Variants in TMEM132D observed in about 807,000 individuals in gnomAD.
TMEM132D encodes the protein mature OL transmembrane protein.
In TMEM132D, 21 loss-of-function variants were observed where a neutral mutation model predicts 62.3. The observed-to-expected ratio is 0.34, with a 90% CI of 0.24 to 0.49. TMEM132D has a LOEUF of 0.49. Ranked by LOEUF, TMEM132D falls within the 20% of genes least tolerant of loss-of-function variation. TMEM132D has a pLI of 0.99. For missense variants in TMEM132D, 1,346 were observed against 1,402.8 expected (o/e 0.96, Z 0.65); for synonymous variants, 621 against 575.6 (o/e 1.08, Z -1.13).
intron 2 of TMEM132D, among the ~76,000 whole-genome samples, chr12:129,658,725 C>A (rs569112120): frequency 2.0e-5 from 3 of 152,260 alleles, no homozygotes; most frequent in African/African-American, 7.2e-5. Context: ...TTACTTGGTG[C>A]CTGCATTTAC....
chr12:129,099,805 TA>T (rs1280433761), intron 5 of TMEM132D, among the ~76,000 whole-genome samples: 8 of 126,916 alleles, frequency 6.3e-5, no homozygotes, highest in Non-Finnish European at 1.1e-4. Context: ...AAACCCACTT[TA>T]TTTTTTTTTA....
chr12:129,841,877 A>C (rs137939328), intron 1 of TMEM132D, among the ~76,000 whole-genome samples: 2 of 151,222 alleles, frequency 1.3e-5, no homozygotes, highest in African/African-American at 4.8e-5. Context: ...AATGGCTGAT[A>C]TTCGTTGAGC....
intron 2 of TMEM132D, among the ~76,000 whole-genome samples, chr12:129,536,326 G>A (rs1247102208): frequency 1.3e-5 from 2 of 152,162 alleles, no homozygotes; most frequent in Non-Finnish European, 2.9e-5. Context: ...CATGCCCTTT[G>A]GGGTCACAGC....
intron 1 of TMEM132D, among the ~76,000 whole-genome samples, chr12:129,757,918 T>A (rs188529381): frequency 2.6e-4 from 39 of 152,282 alleles, no homozygotes; most frequent in African/African-American, 8.7e-4. Flanking sequence ...ATTTTATTTT[T>A]TTGAGACAAA....
rs563398313 is a variant in TMEM132D, at chr12:129,329,296, T to C, written c.1299+8338A>G. On this transcript the variant is annotated intron_variant, in intron 4 of 8. Coordinates refer to ENST00000422113, the MANE Select transcript of TMEM132D (RefSeq NM_133448.3). Reference sequence around the variant, plus strand: ...GCAAGAAGGTGCTTTAGAGAAGAGATTTTTTCAAGGGCTGTCTTAATTTGC... The same window carrying C: ...GCAAGAAGGTGCTTTAGAGAAGAGACTTTTTCAAGGGCTGTCTTAATTTGC... Among the ~76,000 whole-genome samples the C allele has an allele frequency of 9.7e-4, 148 of 152,064 alleles. 2 individuals are homozygous for C. The Middle Eastern group carries it at 0.02, about 21-fold the overall frequency.
chr12:129,267,689 G>C (rs893993968), intron 4 of TMEM132D, among the ~76,000 whole-genome samples: 1 of 150,828 alleles, frequency 6.6e-6, no homozygotes, highest in African/African-American at 2.4e-5. Flanking sequence ...CTACTTTAAA[G>C]TTCATATGGA....
intron 1 of TMEM132D, among the ~76,000 whole-genome samples, chr12:129,859,369 A>T (rs918854249): frequency 6.6e-6 from 1 of 152,258 alleles, no homozygotes; most frequent in Non-Finnish European, 1.5e-5. Context: ...TTGCACCAAC[A>T]TACTCGGCTC....
intron 2 of TMEM132D, among the ~76,000 whole-genome samples, chr12:129,662,324 C>T (rs1241942864): frequency 1.3e-5 from 2 of 152,244 alleles, no homozygotes; most frequent in South Asian, 4.2e-4. Context: ...TGCCAGGAAC[C>T]TTCTATTACC....
chr12:129,391,712 G>T (rs1341226072), intron 3 of TMEM132D, among the ~76,000 whole-genome samples: 2 of 152,174 alleles, frequency 1.3e-5, no homozygotes, highest in African/African-American at 4.8e-5. Context: ...TACTCCAAGA[G>T]ATTTTGATTA....
intron 4 of TMEM132D, among the ~76,000 whole-genome samples, chr12:129,261,484 C>CGG (rs1880548961): frequency 6.6e-6 from 1 of 152,152 alleles, no homozygotes; most frequent in African/African-American, 2.4e-5. Context: ...GAGGCCTCCC[C>CGG]AGCCATGTGG....
intron 5 of TMEM132D, among the ~76,000 whole-genome samples, chr12:129,137,601 G>C (rs536104355): frequency 6.6e-6 from 1 of 152,286 alleles, no homozygotes; most frequent in South Asian, 2.1e-4. Context: ...GGTGGTAGTG[G>C]CTCTGTGATA....
At chr12:129,811,306 C>G (rs959239016) in intron 1 of TMEM132D, among the ~76,000 whole-genome samples, 12 of 151,566 alleles carry the variant, frequency 7.9e-5, no homozygotes, top group African/African-American at 2.7e-4. Context: ...GTCCTGCCTC[C>G]CTCCTTGTTC....
At chr12:129,493,646 G>T (rs1874865175) in intron 3 of TMEM132D, among the ~76,000 whole-genome samples, 1 of 152,176 alleles carries the variant, frequency 6.6e-6, no homozygotes, top group Non-Finnish European at 1.5e-5. Flanking sequence ...AGATGGACTG[G>T]TTATCATGTG....
intron 5 of TMEM132D, chr12:129,111,428 G>GA (rs1425233702): frequency 1.3e-5 from 2 of 152,236 alleles, no homozygotes; most frequent in Non-Finnish European, 2.9e-5. Flanking sequence ...AGCAGCCCCA[G>GA]AAAATGGAAC....
chr12:129,545,973 G>A (rs938401847), intron 2 of TMEM132D, among the ~76,000 whole-genome samples: 8 of 152,164 alleles, frequency 5.3e-5, no homozygotes, highest in African/African-American at 1.7e-4. Flanking sequence ...ACATGTCCAG[G>A]TGCCTCTTGG....
intron 1 of TMEM132D, among the ~76,000 whole-genome samples, chr12:129,723,482 C>A (rs1868917959): frequency 6.6e-6 from 1 of 152,192 alleles, no homozygotes; most frequent in African/African-American, 2.4e-5. Flanking sequence ...TGAGAGGAAC[C>A]AGCAGGCTGT....
chr12:129,130,983 G>C (rs1435536192), intron 5 of TMEM132D, among the ~76,000 whole-genome samples: 1 of 152,126 alleles, frequency 6.6e-6, no homozygotes, highest in East Asian at 1.9e-4. Context: ...GGCAGTGGTG[G>C]GACCGAGGCA....
intron 4 of TMEM132D, among the ~76,000 whole-genome samples, chr12:129,280,747 A>C (rs1388351838): frequency 6.6e-6 from 1 of 152,084 alleles, no homozygotes; most frequent in Non-Finnish European, 1.5e-5. Flanking sequence ...ATCTTAGCTT[A>C]TCTATCTAAT....
At chr12:129,503,144 A>T (rs1875208351) in intron 3 of TMEM132D, among the ~76,000 whole-genome samples, 1 of 152,232 alleles carries the variant, frequency 6.6e-6, no homozygotes, top group Non-Finnish European at 1.5e-5. Context: ...AAGAATGAAG[A>T]TTCTTGTTAC....
Sources: allele counts gnomAD v4.1 joint callset (sites outside exome capture counted in the v4.1 genomes callset), GRCh38; gene constraint gnomAD v4.1.1; transcripts MANE v1.5; gene names NCBI Gene and HGNC (gene_info 2026-07-23, HGNC 2026-07-21).